ERAP1: variants seen among roughly 807,000 people sequenced by gnomAD.
The protein encoded by ERAP1 is endoplasmic reticulum aminopeptidase 1, also known as adipocyte-derived leucine aminopeptidase.
ERAP1 carries 86 observed loss-of-function variants against 103.7 expected under a neutral mutation model. The ratio of observed to expected loss-of-function variants is 0.83; its 90% confidence interval spans 0.70 to 0.99. The LOEUF is 0.99. ERAP1 is among the 50% of genes least tolerant of loss of function. The probability of loss-of-function intolerance (pLI) is 0.00; values close to 1 mark genes in which losing one functional copy is unlikely to be tolerated. For synonymous variants in ERAP1, 398 were observed against 402.4 expected (o/e 0.99, Z 0.13); for missense variants, 1,009 against 1,128.4 (o/e 0.89, Z 1.52).
At chr5:96,861,374 G>C in the ERAP1 span, among the ~76,000 whole-genome samples, 1 of 152,180 alleles carries the variant, frequency 6.6e-6, no homozygotes, top group Admixed American at 6.5e-5. Flanking sequence ...ATTAAGGAGA[G>C]TTTCTGATGA....
chr5:96,831,808 C>G, the ERAP1 span, among the ~76,000 whole-genome samples: 3 of 152,192 alleles, frequency 2.0e-5, no homozygotes, highest in Non-Finnish European at 4.4e-5. Context: ...CCACGTCTTT[C>G]CCTCTTTCCA....
At chr5:96,801,500 G>A (rs1469006116) in intron 2 of ERAP1, among the ~76,000 whole-genome samples, 1 of 150,942 alleles carries the variant, frequency 6.6e-6, no homozygotes, top group African/African-American at 2.4e-5. Flanking sequence ...GTAAAAAACA[G>A]GGAAAATTCA....
exon 20 of ERAP1, chr5:96,760,814 T>C (rs923116628): frequency 2.0e-5 from 3 of 151,920 alleles, no homozygotes; most frequent in Non-Finnish European, 3.0e-5. Flanking sequence ...TTCAAGTCAT[T>C]TTATGTGTTA....
At chr5:96,797,903 T>C (rs1777523067) in intron 3 of ERAP1, among the ~76,000 whole-genome samples, 1 of 152,214 alleles carries the variant, frequency 6.6e-6, no homozygotes, top group African/African-American at 2.4e-5. Flanking sequence ...ATGTGGCTGA[T>C]CCACTTTTCC....
rs374510023 is a variant in ERAP1, at chr5:96,763,162, G to C, written c.*38C>G. On this transcript the variant is annotated 3_prime_UTR_variant, in exon 20 of 20. Coordinates refer to the ERAP1 transcript ENST00000296754. The stretch of plus-strand genomic sequence containing the variant: ...CCATTCCGTTTGATGTAGCATCAAA[G>C]CATATTTAGTGCTGTAGTCTGAGAT... The C allele has an allele frequency of 1.5e-5, 12 of 780,424 alleles. No individual in the cohort carries two copies. The African/African-American group carries it at 2.0e-4, about 13-fold the overall frequency. The allele number at this position is 780,424 out of a possible 1,614,324, so 48.3% of individuals were successfully genotyped here.
intron 3 of ERAP1, among the ~76,000 whole-genome samples, chr5:96,799,325 C>T (rs1033050018): frequency 3.3e-5 from 5 of 151,956 alleles, no homozygotes; most frequent in Non-Finnish European, 5.9e-5. Context: ...CTTTTGAGAC[C>T]CCATTGTTCT....
chr5:96,763,520 G>A (rs1169390735), intron 19 of ERAP1, among the ~76,000 whole-genome samples: 6 of 152,138 alleles, frequency 3.9e-5, no homozygotes. Context: ...GTAAACATTT[G>A]CAATCAAAAA....
At chr5:96,770,239 G>T, downstream of ERAP1, 1 of 354,896 alleles carries the variant, frequency 2.8e-6, no homozygotes, top group Non-Finnish European at 5.4e-6. Flanking sequence ...ATTATCTATT[G>T]ACAAGCTCTG....
chr5:96,833,020 A>G, the ERAP1 span, among the ~76,000 whole-genome samples: 1 of 152,230 alleles, frequency 6.6e-6, no homozygotes, highest in Non-Finnish European at 1.5e-5. Flanking sequence ...TGAGGATACA[A>G]GAATTCATCA....
chr5:96,781,813 G>GC lies in ERAP1; in HGVS notation c.2326dup (p.Ala776GlyfsTer12), dbSNP rs779350850. On this transcript the variant is annotated frameshift_variant, in exon 16 of 19. Coordinates refer to ENST00000443439, the MANE Select transcript of ERAP1 (RefSeq NM_001040458.3). LOFTEE classifies it high-confidence loss of function. ...AAAATCCCAGCCTTCTGTGCTCTGG[G>GC]CCCCCACAGCAAACACTGCCAAGGT... The GC allele has an allele frequency of 6.2e-7, 1 of 1,613,878 alleles. No individual in the cohort carries two copies.
At chr5:96,786,760 T>G (rs74842366) in intron 11 of ERAP1, 16,950 of 540,254 alleles carry the variant, frequency 0.031, 354 homozygotes, top group Non-Finnish European at 0.04. Flanking sequence ...ACTCCTTGAG[T>G]AGAGCTAAGA....
chr5:96,917,799 G>A, the ERAP1 span: 4 of 316,318 alleles, frequency 1.3e-5, no homozygotes, highest in South Asian at 8.3e-5. Context: ...CCAGCTACTC[G>A]GCAGGCTGCA....
At chr5:96,828,233 G>A in the ERAP1 span, among the ~76,000 whole-genome samples, 1 of 151,884 alleles carries the variant, frequency 6.6e-6, no homozygotes, top group Non-Finnish European at 1.5e-5. Flanking sequence ...CTAATTTATC[G>A]GTCTTTTGTG....
chr5:96,900,770 T>C, the ERAP1 span, among the ~76,000 whole-genome samples: 1 of 152,272 alleles, frequency 6.6e-6, no homozygotes, highest in Non-Finnish European at 1.5e-5. Flanking sequence ...TCCACCTCTC[T>C]GGTTCAACCA....
the ERAP1 span, among the ~76,000 whole-genome samples, chr5:96,931,120 C>A: frequency 6.6e-6 from 1 of 151,956 alleles, no homozygotes; most frequent in Admixed American, 6.6e-5. Flanking sequence ...GGACACTCCA[C>A]AACCTTGGTC....
chr5:96,812,791 G>T (rs1483284530), upstream of ERAP1, among the ~76,000 whole-genome samples: 1 of 152,118 alleles, frequency 6.6e-6, no homozygotes, highest in Non-Finnish European at 1.5e-5. Context: ...ATACAATTGG[G>T]GCCTGAAAAG....
chr5:96,761,075 A>C (rs534517909), exon 20 of ERAP1: 1 of 152,156 alleles, frequency 6.6e-6, no homozygotes, highest in Non-Finnish European at 1.5e-5. Context: ...TAAATGATTT[A>C]GTATTTTTAA....
the ERAP1 span, among the ~76,000 whole-genome samples, chr5:96,814,675 C>T: frequency 6.6e-6 from 1 of 152,080 alleles, no homozygotes; most frequent in East Asian, 1.9e-4. Flanking sequence ...AGAAGTGATG[C>T]CAAATTCAGG....
At chr5:96,912,704 C>G in the ERAP1 span, 3 of 1,606,882 alleles carry the variant, frequency 1.9e-6, no homozygotes, top group Non-Finnish European at 1.7e-6. Flanking sequence ...ATGGAATTAC[C>G]TTTTAGAGCA....
Sources: gnomAD v4.1 joint callset for allele counts (sites outside exome capture counted in the v4.1 genomes callset) on GRCh38, gnomAD v4.1.1 for gene constraint, MANE v1.5 for transcripts, NCBI Gene and HGNC (gene_info 2026-07-23, HGNC 2026-07-21) for gene names.